Variants in TENM2 observed in about 807,000 individuals in gnomAD.
The protein encoded by TENM2 is teneurin transmembrane protein 2.
A neutral mutation model predicts 245.2 loss-of-function variants in TENM2; 52 were observed. The observed-to-expected ratio is 0.21, with a 90% CI of 0.17 to 0.27. TENM2 has a LOEUF of 0.27. Ranked by LOEUF, TENM2 falls within the 10% of genes least tolerant of loss-of-function variation. TENM2 has a pLI of 1.00. For missense variants in TENM2, 3,046 were observed against 3,666.8 expected (o/e 0.83, Z 4.37); for synonymous variants, 1,363 against 1,438.9 (o/e 0.95, Z 1.19).
intron 14 of TENM2, 51 bp downstream of exon 16, chr5:168,190,598 G>A (rs1360281024): frequency 5.2e-6 from 8 of 1,535,810 alleles, no homozygotes; most frequent in African/African-American, 1.4e-5. Flanking sequence ...TTTTCTTCCT[G>A]TTGGAGCCAG....
intron 17 of TENM2, among the ~76,000 whole-genome samples, chr5:168,200,438 C>T (rs2152531185): frequency 6.6e-6 from 1 of 152,248 alleles, no homozygotes; most frequent in East Asian, 1.9e-4. Context: ...CTCTGCAGGG[C>T]AGCATTTAAG....
chr5:167,952,475 T>C (rs1309629492), intron 3 of TENM2, 113 bp from the exon 6 acceptor site: 15 of 875,152 alleles, frequency 1.7e-5, no homozygotes, highest in Non-Finnish European at 2.7e-5. Context: ...GCTTGCAGCT[T>C]TCAGCAATTG....
rs1252304190 is a variant in TENM2, at chr5:168,244,748, CTTTCTGTTA to C, written c.5817+44_5817+52del. 3.6e-6 allele frequency: 5 copies of C among 1,380,426 alleles called. No individual in the cohort carries two copies. The highest frequency in any genetic ancestry group is 2.2e-4 in the Middle Eastern group (1 of 4,624). 85.5% of individuals were successfully genotyped at this position (1,380,426 alleles called of 1,614,324 possible). On this transcript the variant is annotated intron_variant, in intron 26 of 28. Coordinates refer to ENST00000518659, the Ensembl canonical transcript of TENM2. This position sits in a 1 kb window ranked among gnomAD's most constrained non-coding sequence, Gnocchi z 4.9. ...GAACATGCTGCCCTGACAGCAAGGG[CTTTCTGTTA>C]TTTCTGTTATTCCGGCTTCTTTTTT...
intron 10 of TENM2, among the ~76,000 whole-genome samples, chr5:168,122,633 A>G (rs1427734408): frequency 2.0e-5 from 3 of 152,212 alleles, no homozygotes; most frequent in Non-Finnish European, 4.4e-5. Context: ...AAGTGATAAT[A>G]ACAAGATTAT....
intron 12 of TENM2, among the ~76,000 whole-genome samples, chr5:168,157,259 C>G (rs1212676302): frequency 6.6e-6 from 1 of 152,072 alleles, no homozygotes; most frequent in African/African-American, 2.4e-5. Context: ...TGGCTTAAGT[C>G]TAACCAAAGC....
At chr5:168,245,917 T>G (rs1310769614) in intron 26 of TENM2, among the ~76,000 whole-genome samples, 1 of 152,096 alleles carries the variant, frequency 6.6e-6, no homozygotes, top group Non-Finnish European at 1.5e-5. Context: ...TCTAGGTTAT[T>G]TCATCTTTGC....
At chr5:167,317,473 C>T (rs1224719890) in intron 1 of TENM2, among the ~76,000 whole-genome samples, 1 of 152,076 alleles carries the variant, frequency 6.6e-6, no homozygotes, top group Admixed American at 6.6e-5. Flanking sequence ...GAATTGAGCT[C>T]TCTTGCCATC....
At position 167,529,542 on chromosome 5, in the gene TENM2, A is replaced by G. The variant is rs188015844; in HGVS notation, c.502+154069A>G. Among the ~76,000 whole-genome samples, 3 of 152,322 alleles carry G rather than the reference A, an allele frequency of 2.0e-5. No individual in the cohort carries two copies. In the East Asian group the frequency reaches 5.8e-4, roughly 29 times the overall value. Reference sequence around the variant, plus strand: ...TCCTGTCTTTTGTAGAGTAACCAGCATATATCTTAAGCCCAGAATGTCTGA... The same window carrying G: ...TCCTGTCTTTTGTAGAGTAACCAGCGTATATCTTAAGCCCAGAATGTCTGA... On this transcript the variant is annotated intron_variant, in intron 2 of 28. Transcript: ENST00000518659.
In TENM2 at chr5:168,122,362, G is replaced by C. The variant is rs61093199; in HGVS notation, c.2009-2488G>C. Among the ~76,000 whole-genome samples, 4 of 152,206 alleles carry C rather than the reference G, an allele frequency of 2.6e-5. No homozygotes were observed. In the East Asian group the frequency reaches 7.7e-4, roughly 29 times the overall value. ...TGGCTAATTTTTTGTATTTTTAGTAGAGACAGAGTTTCACCGTGTTAGCCA... is the reference window on the plus strand; with the variant it reads ...TGGCTAATTTTTTGTATTTTTAGTACAGACAGAGTTTCACCGTGTTAGCCA... On this transcript the variant is annotated intron_variant, in intron 10 of 28. Coordinates refer to ENST00000518659, the Ensembl canonical transcript of TENM2.
the TENM2 span, among the ~76,000 whole-genome samples, chr5:167,235,740 G>A: frequency 6.6e-6 from 1 of 152,080 alleles, no homozygotes; most frequent in Non-Finnish European, 1.5e-5. Context: ...TTCCTCAAAT[G>A]TTGTAATAAA....
chr5:167,233,427 G>A, the TENM2 span, among the ~76,000 whole-genome samples: 1 of 151,962 alleles, frequency 6.6e-6, no homozygotes, highest in Admixed American at 6.6e-5. Context: ...TATATTTTTG[G>A]GGAAGGGCAA....
At chr5:167,470,283 C>G (rs1408054901) in intron 2 of TENM2, among the ~76,000 whole-genome samples, 3 of 151,974 alleles carry the variant, frequency 2.0e-5, no homozygotes, top group African/African-American at 4.8e-5. Flanking sequence ...TTTGTCTATA[C>G]TGACAAATAT....
At chr5:167,268,154 G>A in the TENM2 span, among the ~76,000 whole-genome samples, 1 of 152,096 alleles carries the variant, frequency 6.6e-6, no homozygotes, top group Non-Finnish European at 1.5e-5. Flanking sequence ...GCATAGAGAT[G>A]GAAAAGTGGT....
chr5:167,439,613 T>C (rs1764769256), intron 2 of TENM2, among the ~76,000 whole-genome samples: 1 of 152,208 alleles, frequency 6.6e-6, no homozygotes, highest in South Asian at 2.1e-4. Flanking sequence ...TATAATACAC[T>C]GCATATAATA....
the TENM2 span, among the ~76,000 whole-genome samples, chr5:166,981,664 A>C: frequency 1.3e-5 from 2 of 152,170 alleles, no homozygotes; most frequent in Non-Finnish European, 1.5e-5. Flanking sequence ...TCAGATCATG[A>C]ATTTATTTAT....
intron 23 of TENM2, among the ~76,000 whole-genome samples, chr5:168,225,390 G>A (rs773681248): frequency 2.6e-5 from 4 of 152,154 alleles, no homozygotes; most frequent in African/African-American, 4.8e-5. Flanking sequence ...AGTGTGGTTT[G>A]TTCAGCAGGG....
At chr5:166,984,816 A>G in the TENM2 span, among the ~76,000 whole-genome samples, 3 of 152,162 alleles carry the variant, frequency 2.0e-5, no homozygotes, top group Non-Finnish European at 4.4e-5. Flanking sequence ...TAATTTTTCC[A>G]AGCCATTTCA....
chr5:167,927,752 G>T (rs750936429), intron 3 of TENM2, among the ~76,000 whole-genome samples: 2 of 152,250 alleles, frequency 1.3e-5, no homozygotes, highest in South Asian at 4.1e-4. Flanking sequence ...CTGGAGTGAG[G>T]TTGGTGTCAG....
intron 2 of TENM2, among the ~76,000 whole-genome samples, chr5:167,506,042 T>C (rs983139343): frequency 5.3e-5 from 8 of 152,036 alleles, no homozygotes; most frequent in African/African-American, 1.9e-4. Flanking sequence ...TTATTTCAAC[T>C]CAGGCATAAA....
Sources: allele counts gnomAD v4.1 joint callset (sites outside exome capture counted in the v4.1 genomes callset), GRCh38; gene constraint gnomAD v4.1.1; non-coding constraint Gnocchi (gnomAD v3.1); transcripts MANE v1.5; gene names NCBI Gene and HGNC (gene_info 2026-07-23, HGNC 2026-07-21).